Variants in LTA4H observed in about 807,000 individuals in gnomAD.
LTA4H encodes leukotriene A-4 hydrolase.
Under a neutral mutation model 89.8 loss-of-function variants are expected in LTA4H, and 59 were observed. The ratio of observed to expected loss-of-function variants is 0.66; its 90% CI spans 0.53 to 0.82. The LOEUF (loss-of-function observed/expected upper bound fraction) is 0.82, where lower values mean the gene tolerates loss of function less well. Ranked by LOEUF, LTA4H falls within the 40% of genes least tolerant of loss-of-function variation. The pLI is 0.00. For synonymous variants in LTA4H, 227 were observed against 253.1 expected, an observed-to-expected ratio of 0.90 and a Z score of 0.98; for missense variants, 617 against 727.0, an observed-to-expected ratio of 0.85 and a Z score of 1.74.
At chr12:96,019,470 C>A (rs1167057919) in intron 6 of LTA4H, among the ~76,000 whole-genome samples, 2 of 152,032 alleles carry the variant, frequency 1.3e-5, no homozygotes, top group Admixed American at 6.5e-5. Context: ...AGGAAAAAAA[C>A]CAAGACATAA....
Position 96,029,059 on chromosome 12 carries a change from T to C in LTA4H, c.286A>G (p.Ser96Gly). Residue 96 changes from serine to glycine, a missense_variant, in exon 2 of 19, where the codon AGC (serine) becomes GGC (glycine). This residue lies in a region of LTA4H where 155 missense variants were observed against 143.3 expected (regional missense o/e 1.08). Transcript: ENST00000228740. ...PMEISLPIAL[S>G]KNQEIVIEIS... is the part of the protein sequence containing the mutation. ...GAAAGATCATAACATTCATACTTGC[T>C]CAAAGCGATAGGAAGAGAGATTTCC... 1 of 1,581,650 alleles carries C rather than the reference T, an allele frequency of 6.3e-7. No individual in the cohort carries two copies. Among genetic ancestry groups the C allele is most frequent in the East Asian group, 2.3e-5 (1 of 43,734 alleles).
At chr12:96,020,867 G>T in intron 6 of LTA4H, 1 of 463,958 alleles carries the variant, frequency 2.2e-6, no homozygotes. Flanking sequence ...GTAAGAGCAT[G>T]CTCATTTTAC....
upstream of LTA4H, among the ~76,000 whole-genome samples, chr12:96,038,413 G>A (rs557153384): frequency 1.3e-5 from 2 of 152,172 alleles, no homozygotes; most frequent in South Asian, 4.1e-4. Flanking sequence ...TTTGGCAAAT[G>A]TCCTGTTGCC....
chr12:96,025,281 C>T (rs1950501218), intron 3 of LTA4H: 1 of 152,212 alleles, frequency 6.6e-6, no homozygotes, highest in African/African-American at 2.4e-5. Context: ...TGATTTCTTA[C>T]ATTTATGTTA....
At chr12:96,008,159 G>T (rs1950233879) in intron 15 of LTA4H, among the ~76,000 whole-genome samples, 1 of 152,158 alleles carries the variant, frequency 6.6e-6, no homozygotes, top group African/African-American at 2.4e-5. Context: ...ATATGCACGT[G>T]TAACAAACCT....
chr12:96,035,409 C>A lies in LTA4H; in HGVS notation c.111G>T (p.Gly37=). The change falls in exon 1 of 19, where the codon GGG becomes GGT. Residue 37 remains glycine, a synonymous_variant. Transcript: ENST00000228740. ...GAGACTGGACCGTGAGAGCAGCAGT[C>A]CCGGTCAGCGTCCGGCGAGTAAAGT... ...SVDFTRRTLT[G]TAALTVQSQE... 2.5e-6 allele frequency: 4 copies of A among 1,611,362 alleles called. 1 individual carries two copies. In the South Asian group the frequency reaches 4.4e-5, roughly 18 times the overall value.
chr12:96,029,083 C>A lies in LTA4H; in HGVS notation c.262G>T (p.Glu88Ter). Residue 88 changes from glutamate to a stop codon, truncating the protein, a stop_gained, in exon 2 of 19, where the codon GAA becomes TAA. Coordinates refer to ENST00000228740, the MANE Select transcript of LTA4H (RefSeq NM_000895.3). LOFTEE classifies it high-confidence loss of function. ...CTCAAAGCGATAGGAAGAGAGATTT[C>A]CATTGGCGATCCCTTGTAACTTTGT... Reference protein sequence around the residue: ...ERQSYKGSPMEISLPIALSKN... With the variant: ...ERQSYKGSPM The A allele has an allele frequency of 6.3e-7, 1 of 1,589,100 alleles. No homozygotes were observed. The highest frequency in any genetic ancestry group is 8.6e-7 in the Non-Finnish European group (1 of 1,168,298).
intron 14 of LTA4H, chr12:96,009,727 T>C (rs1337663828): frequency 6.6e-6 from 1 of 152,344 alleles, no homozygotes; most frequent in African/African-American, 2.4e-5. Context: ...ATTTGTGTGT[T>C]CTCAACTTAG....
chr12:96,017,236 TACTC>T (rs1383018125), intron 9 of LTA4H, 122 bp from the exon 10 acceptor site: 1 of 731,606 alleles, frequency 1.4e-6, no homozygotes, highest in Admixed American at 2.5e-5. Context: ...TTCAGGGAGT[TACTC>T]AGTTCAGCAA....
intron 14 of LTA4H, chr12:96,009,365 CATCT>C: frequency 1.9e-6 from 1 of 527,400 alleles, no homozygotes; most frequent in Non-Finnish European, 3.4e-6. Flanking sequence ...ATGAAACACC[CATCT>C]ATCTTTTAGA....
chr12:96,015,166 T>C (rs751097073), intron 11 of LTA4H, 167 bp from the exon 12 acceptor site: 12 of 549,530 alleles, frequency 2.2e-5, no homozygotes, highest in African/African-American at 3.9e-5. Flanking sequence ...GGAAGTCTAT[T>C]AATAGAATGC....
chr12:96,015,810 A>G, intron 10 of LTA4H, 116 bp from the exon 11 acceptor site: 1 of 685,456 alleles, frequency 1.5e-6, no homozygotes, highest in Admixed American at 2.6e-5. Context: ...AGGCATGACC[A>G]CTACAGTCTA....
upstream of LTA4H, among the ~76,000 whole-genome samples, chr12:96,037,864 G>T (rs1454674829): frequency 1.3e-5 from 2 of 151,936 alleles, no homozygotes; most frequent in Non-Finnish European, 1.5e-5. Flanking sequence ...TTTTGTGTGT[G>T]TATTTTTAGC....
At chr12:96,020,965 G>C (rs957746197) in intron 6 of LTA4H, 120 bp downstream of exon 6, 28 of 741,724 alleles carry the variant, frequency 3.8e-5, no homozygotes, top group Non-Finnish European at 6.1e-5. Flanking sequence ...AATTTTTCTA[G>C]AGCTGTCAGC....
At chr12:96,017,528 T>TATTTTTTTCATTATG in intron 9 of LTA4H, 29 bp downstream of exon 9, 1 of 1,594,292 alleles carries the variant, frequency 6.3e-7, no homozygotes, top group Non-Finnish European at 8.6e-7. Flanking sequence ...TTCTTGAAGG[T>TATTTTTTTCATTATG]AAGGCCATAA....
At chr12:96,042,242 A>G (rs912548865) in intron 1 of LTA4H, among the ~76,000 whole-genome samples, 6 of 152,032 alleles carry the variant, frequency 3.9e-5, no homozygotes, top group Admixed American at 3.9e-4. Flanking sequence ...AGCTCAAGCA[A>G]TGTGCCCATC....
At chr12:96,026,222 G>T (rs1397759596) in intron 3 of LTA4H, among the ~76,000 whole-genome samples, 1 of 152,046 alleles carries the variant, frequency 6.6e-6, no homozygotes, top group Non-Finnish European at 1.5e-5. Flanking sequence ...ACACCAAAGG[G>T]GTTTTTAAAT....
At chr12:96,005,998 T>C (rs1007226823) in intron 16 of LTA4H, among the ~76,000 whole-genome samples, 1 of 152,136 alleles carries the variant, frequency 6.6e-6, no homozygotes, top group Admixed American at 6.5e-5. Flanking sequence ...TCTGCTTGCC[T>C]CGGCCTCCCA....
chr12:96,042,254 C>T (rs911697317), intron 1 of LTA4H, among the ~76,000 whole-genome samples: 6 of 152,274 alleles, frequency 3.9e-5, no homozygotes, highest in Admixed American at 2.0e-4. Context: ...GTGCCCATCT[C>T]AGCCTCCCAG....
Sources: gnomAD v4.1 joint callset for allele counts (sites outside exome capture counted in the v4.1 genomes callset) on GRCh38, gnomAD v4.1.1 for gene constraint, gnomAD v4.1.1 regional missense constraint, MANE v1.5 for transcripts, NCBI Gene and HGNC (gene_info 2026-07-23, HGNC 2026-07-21) for gene names.